Variants in DGKZ observed in about 807,000 individuals in gnomAD.
The protein encoded by DGKZ is DAG kinase zeta.
In DGKZ, 45 loss-of-function variants were observed where a neutral mutation model predicts 142.5. The observed-to-expected ratio is 0.32, with a 90% CI of 0.25 to 0.40. The LOEUF is 0.40. DGKZ is among the 10% of genes least tolerant of loss of function. DGKZ has a pLI of 1.00. For synonymous variants in DGKZ, 442 were observed against 527.0 expected (o/e 0.84, Z 2.21); for missense variants, 755 against 1,306.5 (o/e 0.58, Z 6.51).
chr11:46,369,431 G>A (rs760328609), intron 4 of DGKZ, 63 bp from the exon 5 acceptor site: 45 of 1,599,034 alleles, frequency 2.8e-5, no homozygotes, highest in Non-Finnish European at 3.4e-5. Context: ...TGGAGGGAGT[G>A]ACCACATACC....
upstream of DGKZ, among the ~76,000 whole-genome samples, chr11:46,345,781 C>G (rs1459754248): frequency 1.3e-5 from 2 of 152,062 alleles, no homozygotes; most frequent in Non-Finnish European, 2.9e-5. The surrounding 1 kb of genome is among the most constrained non-coding windows in gnomAD (Gnocchi z 4.1). Flanking sequence ...GAACTGAGCT[C>G]GAGAGAGGCC....
chr11:46,376,733 A>C, intron 24 of DGKZ, 169 bp downstream of exon 24: 1 of 922,546 alleles, frequency 1.1e-6, no homozygotes, highest in Non-Finnish European at 1.6e-6. Context: ...CCTGCCCTCC[A>C]CACTGGAGAG....
At chr11:46,370,958 G>A (rs1005805626) in intron 6 of DGKZ, among the ~76,000 whole-genome samples, 4 of 152,206 alleles carry the variant, frequency 2.6e-5, no homozygotes, top group Middle Eastern at 3.4e-3. Context: ...AGTGGTGGGC[G>A]CCTGTAATCC....
exon 8 of DGKZ, chr11:46,371,516 G>A (rs745380862): frequency 3.1e-6 from 5 of 1,608,912 alleles, no homozygotes; most frequent in Non-Finnish European, 1.7e-6. Flanking sequence ...GCTTCATGCT[G>A]CAGCAGATCG....
At chr11:46,351,369 G>T (rs1225127019) in intron 1 of DGKZ, among the ~76,000 whole-genome samples, 3 of 152,204 alleles carry the variant, frequency 2.0e-5, no homozygotes, top group Non-Finnish European at 4.4e-5. Flanking sequence ...AGCTCCCAGA[G>T]GGCAGGAGGC....
intron 1 of DGKZ, among the ~76,000 whole-genome samples, chr11:46,353,434 G>A (rs1466717532): frequency 1.3e-5 from 2 of 152,218 alleles, no homozygotes; most frequent in African/African-American, 2.4e-5. Context: ...ATCTGACCTG[G>A]ACCCCCAAGG....
intron 1 of DGKZ, among the ~76,000 whole-genome samples, chr11:46,353,910 CG>C (rs1241256555): frequency 6.6e-6 from 1 of 152,226 alleles, no homozygotes; most frequent in Non-Finnish European, 1.5e-5. Context: ...CCCAGCATCT[CG>C]CGGGTTAACA....
chr11:46,345,839 C>A (rs879453154), upstream of DGKZ, among the ~76,000 whole-genome samples: 1 of 152,138 alleles, frequency 6.6e-6, no homozygotes, highest in Non-Finnish European at 1.5e-5. The surrounding 1 kb of genome is among the most constrained non-coding windows in gnomAD (Gnocchi z 4.1). Context: ...GAGGAGCCCC[C>A]CCAGGAGTGT....
At chr11:46,336,032 G>A (rs1939995886) in intron 1 of DGKZ, among the ~76,000 whole-genome samples, 1 of 152,260 alleles carries the variant, frequency 6.6e-6, no homozygotes, top group African/African-American at 2.4e-5. Context: ...AAGAAAAGCA[G>A]TTGAAAGCCC....
In DGKZ at chr11:46,367,803, C is replaced by G. The variant is rs537972638; in HGVS notation, c.366+56C>G. The G allele has an allele frequency of 6.2e-7, 1 of 1,604,058 alleles. No individual in the cohort carries two copies. Among genetic ancestry groups the G allele is most frequent in the Non-Finnish European group, 8.5e-7 (1 of 1,172,550 alleles). On this transcript the variant is annotated intron_variant, in intron 3 of 30. Transcript: ENST00000527911. This position sits in a 1 kb window ranked among gnomAD's most constrained non-coding sequence, Gnocchi z 4.1. ...GCTGGTGGAGCCAGTAGCCGCAGCCCTTCCGGGAACGTGGGATTGAGCCCG... is the reference window on the plus strand; with the variant it reads ...GCTGGTGGAGCCAGTAGCCGCAGCCGTTCCGGGAACGTGGGATTGAGCCCG...
chr11:46,356,742 CAT>C (rs976651084), intron 1 of DGKZ, among the ~76,000 whole-genome samples: 2 of 152,186 alleles, frequency 1.3e-5, no homozygotes, highest in African/African-American at 4.8e-5. Context: ...AGCACTGCCA[CAT>C]GTTAGCTGGA....
chr11:46,352,440 C>T (rs924043194), intron 1 of DGKZ, among the ~76,000 whole-genome samples: 2 of 152,234 alleles, frequency 1.3e-5, no homozygotes, highest in Non-Finnish European at 2.9e-5. Context: ...CCAATCAGTG[C>T]GGCCCAGGGC....
At chr11:46,352,460 G>A (rs912776615) in intron 1 of DGKZ, among the ~76,000 whole-genome samples, 6 of 152,208 alleles carry the variant, frequency 3.9e-5, no homozygotes, top group Non-Finnish European at 1.5e-5. Flanking sequence ...CAGGCTGGGT[G>A]GGTGCCTCTA....
upstream of DGKZ, chr11:46,345,284 G>A (rs1940500886): frequency 3.7e-6 from 5 of 1,358,172 alleles, no homozygotes; most frequent in African/African-American, 1.5e-5. This position sits in a 1 kb window ranked among gnomAD's most constrained non-coding sequence, Gnocchi z 4.1. Context: ...CCCAGCCAGC[G>A]GAAGGCGCCT....
chr11:46,345,490 G>C, upstream of DGKZ: 3 of 1,513,806 alleles, frequency 2.0e-6, no homozygotes, highest in East Asian at 8.1e-5. The surrounding 1 kb of genome is among the most constrained non-coding windows in gnomAD (Gnocchi z 4.1). Flanking sequence ...AGGCGCTGGG[G>C]ACGGAAGAAG....
rs1363610088 is a variant in DGKZ, at chr11:46,372,340, G to A, written c.928-88G>A. The A allele has an allele frequency of 1.4e-6, 2 of 1,471,696 alleles. No homozygotes were observed. The highest frequency in any genetic ancestry group is 1.7e-5 in the Admixed American group (1 of 57,886). The allele number at this position is 1,471,696 out of a possible 1,614,324, so 91.2% of individuals were successfully genotyped here. ...CCACCCCTCACCCCTTATTGGCCCT[G>A]GTTCCCACAGTCACACCCCTCTCCC... On this transcript the variant is annotated intron_variant, in intron 10 of 30. Coordinates refer to ENST00000527911, the Ensembl canonical transcript of DGKZ. This position sits in a 1 kb window ranked among gnomAD's most constrained non-coding sequence, Gnocchi z 5.9.
chr11:46,342,759 C>T (rs1378390792), upstream of DGKZ, among the ~76,000 whole-genome samples: 1 of 152,198 alleles, frequency 6.6e-6, no homozygotes, highest in Non-Finnish European at 1.5e-5. Flanking sequence ...TCACTTCTAC[C>T]ACTTACCAGC....
At position 46,366,774 on chromosome 11, in the gene DGKZ, A is replaced by G. The variant is rs779512172; in HGVS notation, c.162-517A>G. 3 of 1,548,770 alleles carry G rather than the reference A, an allele frequency of 1.9e-6. No homozygotes were observed. The highest frequency in any genetic ancestry group is 4.9e-5 in the East Asian group (2 of 41,216). ...CACCTGCTCCCCGCGGATGCCGTAT[A>G]TGACCACGCTCTCTGGGGCCTGCAC... On this transcript the variant is annotated intron_variant, in intron 1 of 30. Transcript: ENST00000527911.
chr11:46,364,988 T>C (rs1943089801), intron 1 of DGKZ: 3 of 985,344 alleles, frequency 3.0e-6, no homozygotes, highest in Non-Finnish European at 3.6e-6. Context: ...CTCAGGTACC[T>C]GGAGGCATCG....
Sources: allele counts gnomAD v4.1 joint callset (sites outside exome capture counted in the v4.1 genomes callset), GRCh38; gene constraint gnomAD v4.1.1; non-coding constraint Gnocchi (gnomAD v3.1); transcripts MANE v1.5; gene names NCBI Gene and HGNC (gene_info 2026-07-23, HGNC 2026-07-21).